The following ZBTB37 variants were observed in gnomAD, a reference collection of about 807,000 sequenced individuals.
The protein encoded by ZBTB37 is zinc finger and BTB domain-containing protein 37.
Under a neutral mutation model 37.7 loss-of-function variants are expected in ZBTB37, and 15 were observed. The ratio of observed to expected loss-of-function variants is 0.40; its 90% CI spans 0.27 to 0.61. The LOEUF (loss-of-function observed/expected upper bound fraction) is 0.61. ZBTB37 is among the 20% of genes least tolerant of loss of function. The pLI is 0.44. For synonymous variants in ZBTB37, 231 were observed against 220.6 expected (o/e 1.05, Z -0.42); for missense variants, 514 against 641.9 (o/e 0.80, Z 2.15).
chr1:173,877,362 A>C (rs1656037449), intron 4 of ZBTB37, among the ~76,000 whole-genome samples: 1 of 148,520 alleles, frequency 6.7e-6, no homozygotes, highest in Admixed American at 7.0e-5. Context: ...AGTGTTGTCA[A>C]GATTTTCTTT....
downstream of ZBTB37, chr1:173,890,559 G>C (rs1656803174): frequency 3.3e-5 from 5 of 152,276 alleles, no homozygotes; most frequent in South Asian, 6.2e-4. Context: ...ATATGTGAAA[G>C]AGTTTAAAAT....
At chr1:173,886,209 A>G in exon 5 of ZBTB37, 2 of 1,460,210 alleles carry the variant, frequency 1.4e-6, no homozygotes, top group South Asian at 2.9e-5. Context: ...ACTTAGATTC[A>G]CAAAATGCCA....
rs940858875 is a variant in ZBTB37, at chr1:173,883,466, C to T, written c.1024-2170C>T. On this transcript the variant is annotated intron_variant, in intron 4 of 4. Transcript: ENST00000427304. ...AGCCTGGGCAAAAAGAGCGAAACTCCGTCTCAAAAAAAAGAAAAGTGTACT... is the reference window on the plus strand; with the variant it reads ...AGCCTGGGCAAAAAGAGCGAAACTCTGTCTCAAAAAAAAGAAAAGTGTACT... Among the ~76,000 whole-genome samples, 6 of 152,060 alleles carry T rather than the reference C, an allele frequency of 3.9e-5. No homozygotes were observed. In the South Asian group the frequency reaches 6.2e-4, roughly 16 times the overall value.
chr1:173,885,714 C>T (rs1656584271), exon 5 of ZBTB37: 3 of 1,551,860 alleles, frequency 1.9e-6, no homozygotes, highest in Non-Finnish European at 2.6e-6. Context: ...GCGGTGGTTC[C>T]GGTACAACCC....
chr1:173,869,239 TGTG>T (rs1655316874), intron 2 of ZBTB37, 119 bp downstream of exon 2: 2 of 152,244 alleles, frequency 1.3e-5, no homozygotes, highest in Non-Finnish European at 2.9e-5. Context: ...AAGTTTCAGG[TGTG>T]GTGTAACTAT....
At chr1:173,897,353 T>C (rs1000836334) in exon 4 of ZBTB37, 2 of 152,226 alleles carry the variant, frequency 1.3e-5, no homozygotes, top group African/African-American at 2.4e-5. Flanking sequence ...AAAGATGTTA[T>C]AACACAATGC....
chr1:173,874,617 C>T (rs934030348), intron 4 of ZBTB37, among the ~76,000 whole-genome samples: 9 of 152,202 alleles, frequency 5.9e-5, no homozygotes, highest in African/African-American at 2.2e-4. Flanking sequence ...TCCCAAAATG[C>T]TGGGATTACA....
At chr1:173,875,868 A>G (rs2102730050) in intron 4 of ZBTB37, among the ~76,000 whole-genome samples, 1 of 152,172 alleles carries the variant, frequency 6.6e-6, no homozygotes, top group South Asian at 2.1e-4. Flanking sequence ...CAGTTTGCCC[A>G]GGCTGGTCTC....
At position 173,895,952 on chromosome 1, in the gene ZBTB37, A is replaced by G. The variant is rs78615212; in HGVS notation, c.*9828A>G. The G allele has an allele frequency of 3.5e-4, 53 of 152,338 alleles. No homozygotes were observed. The East Asian group carries it at 6.7e-3, about 19-fold the overall frequency. The allele number at this position is 152,338 out of a possible 1,614,324, so 9.4% of individuals were successfully genotyped here. On this transcript the variant is annotated 3_prime_UTR_variant, in exon 4 of 4. Transcript: ENST00000367701. Reference sequence around the variant, plus strand: ...TTTGAGATTATCCAGTCCATGTGCAATGAATCCTTGGAGCATTAGCTGTGT... The same window carrying G: ...TTTGAGATTATCCAGTCCATGTGCAGTGAATCCTTGGAGCATTAGCTGTGT...
chr1:173,876,707 A>T (rs1655990542), intron 4 of ZBTB37, among the ~76,000 whole-genome samples: 1 of 152,234 alleles, frequency 6.6e-6, no homozygotes, highest in Non-Finnish European at 1.5e-5. Context: ...ATAAGATGTT[A>T]GAGAAAATAT....
At chr1:173,879,376 T>C (rs1252235617) in intron 4 of ZBTB37, among the ~76,000 whole-genome samples, 7 of 152,092 alleles carry the variant, frequency 4.6e-5, no homozygotes, top group Admixed American at 2.6e-4. Flanking sequence ...ATTAAATATG[T>C]ATATGCGTGG....
At chr1:173,882,178 G>A (rs1224765216) in intron 4 of ZBTB37, among the ~76,000 whole-genome samples, 5 of 151,152 alleles carry the variant, frequency 3.3e-5, no homozygotes, top group Admixed American at 6.6e-5. Context: ...TGTCGGATGG[G>A]TAGATTGTAA....
At chr1:173,880,900 A>G (rs569770045) in intron 4 of ZBTB37, among the ~76,000 whole-genome samples, 23 of 151,904 alleles carry the variant, frequency 1.5e-4, no homozygotes, top group African/African-American at 5.1e-4. Context: ...CTGCATGTGG[A>G]TAATACTGGT....
At chr1:173,902,462 T>G (rs1657301088) in exon 4 of ZBTB37, 1 of 152,228 alleles carries the variant, frequency 6.6e-6, no homozygotes, top group Non-Finnish European at 1.5e-5. Context: ...GATTTGTGTC[T>G]TTTCATCTGA....
exon 4 of ZBTB37, chr1:173,893,840 G>A (rs533952650): frequency 6.2e-4 from 95 of 152,304 alleles, no homozygotes; most frequent in African/African-American, 2.1e-3. Flanking sequence ...GCCTCTAGTA[G>A]GTGTAATTAT....
intron 3 of ZBTB37, 76 bp from the exon 4 acceptor site, chr1:173,873,391 A>T: frequency 2.8e-6 from 4 of 1,441,830 alleles, no homozygotes; most frequent in Non-Finnish European, 3.7e-6. Flanking sequence ...TAGAATAAAG[A>T]GGGGCGACAT....
exon 4 of ZBTB37, chr1:173,891,921 G>T (rs954083230): frequency 3.9e-5 from 6 of 152,168 alleles, no homozygotes; most frequent in African/African-American, 1.4e-4. Flanking sequence ...CATAGACAAA[G>T]TTCAAGTGAG....
exon 4 of ZBTB37, chr1:173,873,536 A>G: frequency 6.2e-7 from 1 of 1,613,872 alleles, no homozygotes; most frequent in Non-Finnish European, 8.5e-7. Context: ...CTCCTGGGAG[A>G]ATGGATGAGC....
chr1:173,884,488 A>G (rs1188718558), intron 4 of ZBTB37, among the ~76,000 whole-genome samples: 1 of 152,144 alleles, frequency 6.6e-6, no homozygotes, highest in East Asian at 1.9e-4. Context: ...TAATTTATTG[A>G]AAGGAATATG....
Sources: allele counts gnomAD v4.1 joint callset (sites outside exome capture counted in the v4.1 genomes callset), GRCh38; gene constraint gnomAD v4.1.1; transcripts MANE v1.5; gene names NCBI Gene and HGNC (gene_info 2026-07-23, HGNC 2026-07-21).